Variants in PCDHA5 observed in about 807,000 individuals in gnomAD.
PCDHA5 encodes protocadherin alpha-5.
In PCDHA5, 43 loss-of-function variants were observed where a neutral mutation model predicts 61.6. The ratio of observed to expected loss-of-function variants is 0.70; its 90% confidence interval spans 0.55 to 0.90. The LOEUF (loss-of-function observed/expected upper bound fraction) is 0.90, where lower values mean the gene tolerates loss of function less well. Ranked by LOEUF, PCDHA5 falls within the 40% of genes least tolerant of loss-of-function variation. The pLI, the probability that PCDHA5 is intolerant of heterozygous loss-of-function variation, is 0.00. For missense variants in PCDHA5, 1,298 were observed against 1,222.7 expected, an observed-to-expected ratio of 1.06 and a Z score of -0.92; for synonymous variants, 627 against 543.9, an observed-to-expected ratio of 1.15 and a Z score of -2.13.
chr5:140,902,621 TATTTAGTGGTG>T (rs2069605868), intron 1 of PCDHA5, among the ~76,000 whole-genome samples: 1 of 152,154 alleles, frequency 6.6e-6, no homozygotes, highest in Non-Finnish European at 1.5e-5. Context: ...ATGGGTAAGT[TATTTAGTGGTG>T]ATTTCTGAGA....
chr5:140,870,118 A>C, intron 1 of PCDHA5: 1 of 1,613,892 alleles, frequency 6.2e-7, no homozygotes, highest in Non-Finnish European at 8.5e-7. Context: ...CTGGGTGGAA[A>C]TCTTGGACAC....
At chr5:140,871,205 T>C (rs1554165267) in intron 1 of PCDHA5, 3 of 1,613,774 alleles carry the variant, frequency 1.9e-6, no homozygotes, top group Admixed American at 3.3e-5. Flanking sequence ...TACCTGATCA[T>C]CGCCATCTGC....
intron 1 of PCDHA5, among the ~76,000 whole-genome samples, chr5:140,973,304 C>G (rs1252823783): frequency 6.6e-6 from 1 of 152,126 alleles, no homozygotes; most frequent in Non-Finnish European, 1.5e-5. Context: ...TCTGATGACT[C>G]TATCCTGGAA....
intron 1 of PCDHA5, among the ~76,000 whole-genome samples, chr5:140,921,243 G>A (rs2080116903): frequency 6.6e-6 from 1 of 151,726 alleles, no homozygotes; most frequent in Non-Finnish European, 1.5e-5. Flanking sequence ...TTAAGCCACA[G>A]ATCAAAAAGT....
At chr5:140,993,720 T>C (rs1201014213) in intron 3 of PCDHA5, among the ~76,000 whole-genome samples, 2 of 152,172 alleles carry the variant, frequency 1.3e-5, no homozygotes, top group Non-Finnish European at 2.9e-5. Context: ...TTACTGTACC[T>C]TTTCTATGTT....
chr5:140,834,313 A>C, intron 1 of PCDHA5: 1 of 1,362,812 alleles, frequency 7.3e-7, no homozygotes. Context: ...GATTGAAATG[A>C]AGGGATAAAA....
chr5:141,003,715 G>A (rs561348265), intron 3 of PCDHA5, among the ~76,000 whole-genome samples: 21 of 152,240 alleles, frequency 1.4e-4, no homozygotes, highest in African/African-American at 2.2e-4. Flanking sequence ...TGAAGATATC[G>A]GCTAATCCAA....
At chr5:140,883,410 C>T in intron 1 of PCDHA5, 2 of 1,614,180 alleles carry the variant, frequency 1.2e-6, no homozygotes, top group Non-Finnish European at 1.7e-6. Flanking sequence ...GACTCTGGCT[C>T]AAATGGACAG....
chr5:140,823,699 C>T lies in PCDHA5; in HGVS notation c.1924C>T (p.Pro642Ser), dbSNP rs1377406671. The T allele has an allele frequency of 1.9e-6, 3 of 1,613,816 alleles. No homozygotes were observed. In the African/African-American group the frequency reaches 4.0e-5, roughly 22 times the overall value. ...TTRSLDETEA[P>S]RHRLLVLVKD... ...ACGCTCTCTGGATGAGACCGAAGCA[C>T]CGCGCCACCGCCTTCTGGTGCTGGT... The change falls in exon 1 of 4, where the codon CCG becomes TCG. Residue 642 changes from proline (P) to serine (S), a missense_variant. Coordinates refer to ENST00000529859, the MANE Select transcript of PCDHA5 (RefSeq NM_018908.3).
chr5:140,972,854 G>A (rs895738831), intron 1 of PCDHA5, among the ~76,000 whole-genome samples: 4 of 151,946 alleles, frequency 2.6e-5, no homozygotes, highest in Non-Finnish European at 4.4e-5. Flanking sequence ...AGTAGAGATG[G>A]GGTTTCATCA....
In PCDHA5 at chr5:140,842,731, G is replaced by A. The variant is rs202126810; in HGVS notation, c.2352+18604G>A. Reference sequence around the variant, plus strand: ...TGTTCGTGAAGGAGAACAACCCGCCGGGCTGCCACATCTTCACGGTGTCTG... The same window carrying A: ...TGTTCGTGAAGGAGAACAACCCGCCAGGCTGCCACATCTTCACGGTGTCTG... On this transcript the variant is annotated intron_variant, in intron 1 of 3. Coordinates refer to ENST00000529859, the MANE Select transcript of PCDHA5 (RefSeq NM_018908.3). The A allele has an allele frequency of 1.1e-5, 17 of 1,594,938 alleles. 3 individuals are homozygous for A. The highest frequency in any genetic ancestry group is 5.1e-5 in the Admixed American group (3 of 59,276).
At chr5:140,975,849 A>G (rs1157741908) in intron 1 of PCDHA5, among the ~76,000 whole-genome samples, 1 of 152,208 alleles carries the variant, frequency 6.6e-6, no homozygotes, top group Non-Finnish European at 1.5e-5. Flanking sequence ...CAGTAATACT[A>G]CATCACCCAT....
At chr5:140,827,398 G>A (rs1232238137) in intron 1 of PCDHA5, among the ~76,000 whole-genome samples, 1 of 152,200 alleles carries the variant, frequency 6.6e-6, no homozygotes, top group East Asian at 1.9e-4. Flanking sequence ...TAAATTAAAT[G>A]TGATAAAGAA....
At chr5:140,958,135 G>T (rs868969031) in intron 1 of PCDHA5, among the ~76,000 whole-genome samples, 3 of 152,036 alleles carry the variant, frequency 2.0e-5, no homozygotes, top group Non-Finnish European at 4.4e-5. Context: ...GTATCAGTGT[G>T]TATATTTATA....
Position 140,849,936 on chromosome 5 carries a change from G to C in PCDHA5, c.2352+25809G>C, listed in dbSNP as rs2041236618. The C allele has an allele frequency of 2.5e-6, 4 of 1,598,080 alleles. 1 individual carries two copies. Among genetic ancestry groups the C allele is most frequent in the Non-Finnish European group, 3.4e-6 (4 of 1,167,760 alleles). On this transcript the variant is annotated intron_variant, in intron 1 of 3. Transcript: ENST00000529859. ...CCACATCTTCACGGTGTCTGCGCGG[G>C]ACGCTGACGCGCAGGAGAACGCCCT...
intron 1 of PCDHA5, among the ~76,000 whole-genome samples, chr5:140,880,091 C>A (rs925970617): frequency 6.6e-6 from 1 of 152,106 alleles, no homozygotes; most frequent in African/African-American, 2.4e-5. Context: ...TTATAGTAGG[C>A]TTAAAATCAT....
At chr5:140,920,825 G>A (rs557360536) in intron 1 of PCDHA5, among the ~76,000 whole-genome samples, 12 of 150,152 alleles carry the variant, frequency 8.0e-5, no homozygotes, top group African/African-American at 2.4e-4. Context: ...GCCTGGCGAC[G>A]GAGCAAGACC....
At chr5:140,967,695 T>G in intron 1 of PCDHA5, 1 of 1,614,184 alleles carries the variant, frequency 6.2e-7, no homozygotes, top group Non-Finnish European at 8.5e-7. Flanking sequence ...CTCTTCAGCA[T>G]AGATGCCAGT....
intron 1 of PCDHA5, chr5:140,967,872 A>G: frequency 1.2e-6 from 2 of 1,614,034 alleles, no homozygotes; most frequent in Non-Finnish European, 1.7e-6. Context: ...GTGCTCACGG[A>G]CCTGTATAGC....
Sources: gnomAD v4.1 joint callset for allele counts (sites outside exome capture counted in the v4.1 genomes callset) on GRCh38, gnomAD v4.1.1 for gene constraint, MANE v1.5 for transcripts, NCBI Gene and HGNC (gene_info 2026-07-23, HGNC 2026-07-21) for gene names.